SLC29A3: variants seen among roughly 807,000 people sequenced by gnomAD.
The protein encoded by SLC29A3 is equilibrative nucleoside transporter 3.
SLC29A3 carries 18 observed loss-of-function variants against 25.4 expected under a neutral mutation model. That is an observed-to-expected ratio of 0.71 (90% CI 0.49 to 1.05). The LOEUF (loss-of-function observed/expected upper bound fraction) is 1.05, where lower values mean the gene tolerates loss of function less well. Ranked by LOEUF, SLC29A3 falls within the 50% of genes least tolerant of loss-of-function variation. The pLI, the probability that SLC29A3 is intolerant of heterozygous loss-of-function variation, is 0.00. For synonymous variants in SLC29A3, 258 were observed against 267.1 expected, an observed-to-expected ratio of 0.97 and a Z score of 0.33; for missense variants, 586 against 609.0, an observed-to-expected ratio of 0.96 and a Z score of 0.40.
intron 2 of SLC29A3, among the ~76,000 whole-genome samples, chr10:71,330,501 A>T (rs546720531): frequency 6.6e-6 from 1 of 152,360 alleles, no homozygotes; most frequent in African/African-American, 2.4e-5. Flanking sequence ...TAGGACCACA[A>T]GGTAGCTGGG....
chr10:71,358,823 C>T (rs1846981392), intron 5 of SLC29A3, among the ~76,000 whole-genome samples: 1 of 152,226 alleles, frequency 6.6e-6, no homozygotes, highest in South Asian at 2.1e-4. Flanking sequence ...CTCCTAGTCT[C>T]ATTTGGGCAG....
intron 2 of SLC29A3, among the ~76,000 whole-genome samples, chr10:71,338,531 G>T (rs995790692): frequency 6.6e-6 from 1 of 152,162 alleles, no homozygotes; most frequent in African/African-American, 2.4e-5. Flanking sequence ...GTCAAAGCAG[G>T]TGGATCACCT....
chr10:71,333,756 GA>G (rs1416853331), intron 2 of SLC29A3, among the ~76,000 whole-genome samples: 2 of 152,238 alleles, frequency 1.3e-5, no homozygotes, highest in East Asian at 3.8e-4. Flanking sequence ...TGCAGAAGAG[GA>G]AAGACTGGCT....
At chr10:71,366,686 C>T (rs1372600675), downstream of SLC29A3, among the ~76,000 whole-genome samples, 2 of 152,166 alleles carry the variant, frequency 1.3e-5, no homozygotes, top group African/African-American at 4.8e-5. Context: ...TCTTCATCAG[C>T]TCGGAGGTGA....
Position 71,323,072 on chromosome 10 carries a change from C to T in SLC29A3, c.300+18C>T. On this transcript the variant is annotated intron_variant, in intron 2 of 5. Coordinates refer to ENST00000373189, the MANE Select transcript of SLC29A3 (RefSeq NM_018344.6). ...ACATCCTGGTAAGGGCATGTTTCTC[C>T]TGCAAGGCTGGTGGGAGCATACAGA... The T allele has an allele frequency of 6.2e-7, 1 of 1,612,090 alleles. No individual in the cohort carries two copies. The highest frequency in any genetic ancestry group is 8.5e-7 in the Non-Finnish European group (1 of 1,180,026).
At chr10:71,356,347 A>G (rs1056781941) in intron 5 of SLC29A3, 104 bp downstream of exon 5, 16 of 1,421,542 alleles carry the variant, frequency 1.1e-5, no homozygotes, top group African/African-American at 4.2e-5. Flanking sequence ...TCTAGGTGCT[A>G]TGGCTCAAAG....
Position 71,362,155 on chromosome 10 carries a change from C to T in SLC29A3, c.975C>T (p.Ala325=), listed in dbSNP as rs777895386. Residue 325 remains alanine, a synonymous_variant, in exon 6 of 6, where the codon GCC becomes GCT. Transcript: ENST00000373189. ...VFFITSLIYP[A]ICTNIESLNK... Reference sequence around the variant, plus strand: ...TCATCACCAGCCTCATCTACCCCGCCATCTGCACCAACATCGAGTCCCTCA... The same window carrying T: ...TCATCACCAGCCTCATCTACCCCGCTATCTGCACCAACATCGAGTCCCTCA... 8.1e-6 allele frequency: 13 copies of T among 1,613,952 alleles called. No individual in the cohort carries two copies. The highest frequency in any genetic ancestry group is 3.3e-5 in the South Asian group (3 of 91,074).
intron 2 of SLC29A3, among the ~76,000 whole-genome samples, chr10:71,326,960 C>G (rs1292917724): frequency 6.6e-6 from 1 of 152,150 alleles, no homozygotes; most frequent in Non-Finnish European, 1.5e-5. Context: ...TCCCAGCCAC[C>G]CACCTCCCCA....
chr10:71,368,457 G>A (rs1458757351), intron 3 of SLC29A3, among the ~76,000 whole-genome samples: 1 of 152,074 alleles, frequency 6.6e-6, no homozygotes, highest in Non-Finnish European at 1.5e-5. Context: ...CAGGCCCCTC[G>A]CCTGGCCCCC....
At chr10:71,344,433 A>G in intron 3 of SLC29A3, 142 bp downstream of exon 3, 1 of 710,916 alleles carries the variant, frequency 1.4e-6, no homozygotes, top group Non-Finnish European at 2.5e-6. Context: ...TTTATGCATG[A>G]AGAGTGAGAA....
chr10:71,361,881 G>A (rs2131850957), intron 5 of SLC29A3, 73 bp from the exon 6 acceptor site: 1 of 1,582,218 alleles, frequency 6.3e-7, no homozygotes, highest in South Asian at 1.1e-5. Context: ...TCTGTTCTGA[G>A]TGCCCACCCC....
In SLC29A3 at chr10:71,362,230, T is replaced by G; in HGVS notation, c.1050T>G (p.Thr350=). The G allele has an allele frequency of 6.2e-7, 1 of 1,614,102 alleles. No homozygotes were observed. Among genetic ancestry groups the G allele is most frequent in the Non-Finnish European group, 8.5e-7 (1 of 1,180,020 alleles). ...CCACCAAGTTTTTCATCCCCCTCAC[T>G]ACCTTCCTCCTGTACAACTTTGCTG... The part of the protein sequence containing the change: ...LWTTKFFIPL[T]TFLLYNFADL... The change falls in exon 6 of 6, where the codon ACT becomes ACG. Residue 350 remains threonine, a synonymous_variant. Coordinates refer to ENST00000373189, the MANE Select transcript of SLC29A3 (RefSeq NM_018344.6).
rs915816590 is a variant in SLC29A3 at position 71,362,318 on chromosome 10, C to G, written c.1138C>G (p.Pro380Ala). Residue 380 changes from proline to alanine, a missense_variant, in exon 6 of 6, where the codon CCA becomes GCA. Coordinates refer to ENST00000373189, the MANE Select transcript of SLC29A3 (RefSeq NM_018344.6). ...GCCAGGGCCCAATAGCAAGGCGCTC[C>G]CAGGGTTCGTGCTCCTCCGGACCTG... The part of the protein sequence containing the change: ...QVPGPNSKAL[P>A]GFVLLRTCLI... The G allele has an allele frequency of 1.9e-6, 3 of 1,614,186 alleles. No individual in the cohort carries two copies. The highest frequency in any genetic ancestry group is 2.7e-5 in the African/African-American group (2 of 75,040).
intron 3 of SLC29A3, among the ~76,000 whole-genome samples, chr10:71,373,834 A>C (rs1847229731): frequency 1.3e-5 from 2 of 152,224 alleles, no homozygotes; most frequent in African/African-American, 4.8e-5. Context: ...CCCCAAGGGC[A>C]GACTGCTAAG....
intron 2 of SLC29A3, among the ~76,000 whole-genome samples, chr10:71,341,141 T>G (rs1846395608): frequency 6.6e-6 from 1 of 152,116 alleles, no homozygotes; most frequent in South Asian, 2.1e-4. Context: ...TCCCCCATCC[T>G]CAGGGGAGCG....
At chr10:71,363,769 A>G (rs568070006), downstream of SLC29A3, among the ~76,000 whole-genome samples, 20 of 148,030 alleles carry the variant, frequency 1.4e-4, no homozygotes, top group Middle Eastern at 3.6e-3. Context: ...CACTGTGCCC[A>G]GCCTAATTTG....
At chr10:71,361,368 T>C (rs2131850374) in intron 5 of SLC29A3, among the ~76,000 whole-genome samples, 1 of 152,320 alleles carries the variant, frequency 6.6e-6, no homozygotes, top group East Asian at 1.9e-4. Context: ...CACTTGGTTG[T>C]GCAGGCTGAT....
chr10:71,360,385 C>T (rs1156758336), intron 5 of SLC29A3, among the ~76,000 whole-genome samples: 1 of 152,072 alleles, frequency 6.6e-6, no homozygotes, highest in Non-Finnish European at 1.5e-5. Flanking sequence ...TCAAGTGACC[C>T]GCCCGCCTTG....
chr10:71,355,891 A>C (rs1265896049), intron 4 of SLC29A3, among the ~76,000 whole-genome samples, 190 bp from the exon 5 acceptor site: 1 of 152,232 alleles, frequency 6.6e-6, no homozygotes, highest in Non-Finnish European at 1.5e-5. Flanking sequence ...TTGGAAACTC[A>C]GGAAATGCTG....
Sources: gnomAD v4.1 joint callset for allele counts (sites outside exome capture counted in the v4.1 genomes callset) on GRCh38, gnomAD v4.1.1 for gene constraint, MANE v1.5 for transcripts, NCBI Gene and HGNC (gene_info 2026-07-23, HGNC 2026-07-21) for gene names.